The following RP1 variants were observed in gnomAD, a reference collection of about 807,000 sequenced individuals.
RP1 encodes the protein RP1 axonemal microtubule associated.
RP1 carries 16 observed loss-of-function variants against 14.8 expected under a neutral mutation model. The observed-to-expected ratio is 1.08, with a 90% CI of 0.73 to 1.65. The LOEUF (loss-of-function observed/expected upper bound fraction) is 1.65, where lower values mean the gene tolerates loss of function less well. Among genes scored for constraint, RP1 ranks in the 40% most tolerant of loss-of-function variants. The pLI is 0.00. For missense variants in RP1, 2,631 were observed against 2,535.0 expected, an observed-to-expected ratio of 1.04 and a Z score of -0.81; for synonymous variants, 876 against 883.6, an observed-to-expected ratio of 0.99 and a Z score of 0.15.
At chr8:54,605,480 A>T (rs1244806156) in intron 1 of RP1, among the ~76,000 whole-genome samples, 4 of 152,086 alleles carry the variant, frequency 2.6e-5, no homozygotes, top group Non-Finnish European at 5.9e-5. Context: ...GTTTTGGAAT[A>T]GGTGTAGTGT....
intron 6 of RP1, among the ~76,000 whole-genome samples, chr8:54,661,560 T>C (rs552578299): frequency 3.9e-5 from 6 of 152,052 alleles, no homozygotes; most frequent in African/African-American, 1.2e-4. Context: ...CTTCCCTCAA[T>C]AGTTCCTACT....
chr8:54,781,325 G>C (rs960560445), intron 23 of RP1, among the ~76,000 whole-genome samples: 8 of 152,084 alleles, frequency 5.3e-5, no homozygotes, highest in African/African-American at 1.9e-4. Flanking sequence ...AACTCTAATA[G>C]AAGTCATTTT....
Position 54,630,261 on chromosome 8 carries a change from AT to A in RP1, c.6380del (p.Met2127SerfsTer16), listed in dbSNP as rs768634390. ...CAACAGAAATATTTTAGAACTTTGT[AT>A]GTTTGAGGGTGAAAATCTTTTCATT... ...ISNRNILELC[M>X]FEGENLFIWE... On this transcript the variant is annotated frameshift_variant, in exon 4 of 4. Transcript: ENST00000220676. LOFTEE classifies it low-confidence loss of function (END_TRUNC). 6.2e-7 allele frequency: 1 copy of A among 1,613,710 alleles called. No individual in the cohort carries two copies.
chr8:54,770,245 A>AT (rs1427584392), downstream of RP1: 3 of 398,780 alleles, frequency 7.5e-6, no homozygotes, highest in Non-Finnish European at 1.3e-5. Flanking sequence ...AGCCTTACAC[A>AT]TTTTTTATAG....
At chr8:54,602,397 A>T (rs202229653) in intron 1 of RP1, among the ~76,000 whole-genome samples, 10 of 152,136 alleles carry the variant, frequency 6.6e-5, no homozygotes, top group African/African-American at 1.9e-4. Context: ...TAGTATTCCA[A>T]GGTGTATATG....
rs1462583994 is a variant in RP1 at position 54,621,528 on chromosome 8, A to T, written c.562A>T (p.Thr188Ser). The change falls in exon 2 of 4, where the codon ACA becomes TCA. Residue 188 changes from threonine (T) to serine (S), a missense_variant. Thr to Ser is a moderately conservative substitution (Grantham distance 58, BLOSUM62 1). Transcript: ENST00000220676. ...QSFEAFLQHL[T>S]EVMQRPVVKL... ...CTTCGAGGCATTTCTACAGCACCTG[A>T]CAGAGGTCATGCAGCGCCCTGTGGT... The T allele has an allele frequency of 6.2e-7, 1 of 1,614,036 alleles. No individual in the cohort carries two copies. Among genetic ancestry groups the T allele is most frequent in the Non-Finnish European group, 8.5e-7 (1 of 1,180,042 alleles).
At chr8:54,575,096 A>G (rs893792962) in intron 1 of RP1, among the ~76,000 whole-genome samples, 3 of 152,230 alleles carry the variant, frequency 2.0e-5, no homozygotes, top group African/African-American at 4.8e-5. Flanking sequence ...GAGCTGTTCA[A>G]CTATGAACTT....
rs1585622989 is a variant in RP1 at position 54,705,881 on chromosome 8, A to G, written c.1999-562A>G. On this transcript the variant is annotated intron_variant, in intron 14 of 22. Coordinates refer to the RP1 transcript ENST00000636932. ...TTCCTTATGTTTGTTCACCATTTGT[A>G]TTTTATCTTTTGTGATTTGTGTATT... Among the ~76,000 whole-genome samples, 6 of 135,614 alleles carry G rather than the reference A, an allele frequency of 4.4e-5. No homozygotes were observed. In the South Asian group the frequency reaches 1.4e-3, roughly 31 times the overall value. 89.0% of individuals were successfully genotyped at this position (135,614 alleles called of 152,430 possible).
chr8:54,835,303 C>T (rs910741285), intron 24 of RP1, among the ~76,000 whole-genome samples: 7 of 152,174 alleles, frequency 4.6e-5, no homozygotes, highest in African/African-American at 1.7e-4. Context: ...GTCTATAGCA[C>T]TAGCCATGCT....
intron 17 of RP1, among the ~76,000 whole-genome samples, chr8:54,731,630 T>C (rs1363983183): frequency 1.3e-5 from 2 of 152,158 alleles, no homozygotes; most frequent in African/African-American, 4.8e-5. Context: ...AATATGAGTG[T>C]ACCCTGACAA....
chr8:54,837,289 A>AGCATTTCATGGTG (rs1383170978), intron 24 of RP1, among the ~76,000 whole-genome samples: 2 of 152,224 alleles, frequency 1.3e-5, no homozygotes, highest in African/African-American at 2.4e-5. Flanking sequence ...ATGCTTCACC[A>AGCATTTCATGGTG]TATAGAACAG....
chr8:54,838,107 C>A (rs537686042), intron 25 of RP1, among the ~76,000 whole-genome samples: 1 of 152,300 alleles, frequency 6.6e-6, no homozygotes, highest in East Asian at 1.9e-4. Flanking sequence ...TATGTCTGTT[C>A]AGAGGTGACA....
At chr8:54,745,057 A>G (rs1434232188) in intron 19 of RP1, among the ~76,000 whole-genome samples, 1 of 152,240 alleles carries the variant, frequency 6.6e-6, no homozygotes, top group Non-Finnish European at 1.5e-5. Context: ...AAGTATTACT[A>G]GAAGACTTAA....
At position 54,687,882 on chromosome 8, in the gene RP1, G is replaced by A. The variant is rs1010941377; in HGVS notation, c.1717+7949G>A. 4.6e-5 allele frequency among the ~76,000 whole-genome samples: 7 copies of A among 152,068 alleles called. No individual in the cohort carries two copies. In the East Asian group the frequency reaches 5.8e-4, roughly 13 times the overall value. The stretch of plus-strand genomic sequence containing the variant: ...TCTGGTTCTAGATCCTTGAGGAATC[G>A]CCACACTGTCTTCCACAATGGTTGA... On this transcript the variant is annotated intron_variant, in intron 12 of 22. Coordinates refer to the RP1 transcript ENST00000636932.
chr8:54,626,058 C>A lies in RP1; in HGVS notation c.2176C>A (p.Leu726Ile). Residue 726 changes from leucine (L) to isoleucine (I), a missense_variant, in exon 4 of 4, where the codon CTT becomes ATT. Coordinates refer to ENST00000220676, the MANE Select transcript of RP1 (RefSeq NM_006269.2). ...AGATAGTCCCCTTAAAGGAGGGATACTTTGTGAGGAAGACCTCCAGAAAAG... is the reference window on the plus strand; with the variant it reads ...AGATAGTCCCCTTAAAGGAGGGATAATTTGTGAGGAAGACCTCCAGAAAAG... ...DSDSPLKGGI[L>I]CEEDLQKSDT... 1 of 1,613,798 alleles carries A rather than the reference C, an allele frequency of 6.2e-7. No homozygotes were observed. Among genetic ancestry groups the A allele is most frequent in the African/African-American group, 1.3e-5 (1 of 75,018 alleles).
chr8:54,604,837 T>C (rs1805388021), intron 1 of RP1, among the ~76,000 whole-genome samples: 1 of 152,242 alleles, frequency 6.6e-6, no homozygotes, highest in African/African-American at 2.4e-5. Context: ...TAGGTGTTTA[T>C]AGTATTCTCT....
intron 14 of RP1, among the ~76,000 whole-genome samples, chr8:54,702,977 C>T (rs1808061287): frequency 6.6e-6 from 1 of 152,226 alleles, no homozygotes; most frequent in Non-Finnish European, 1.5e-5. Context: ...CTCCACTTCT[C>T]ATTCTAGCTC....
At chr8:54,717,764 C>A (rs920384891) in intron 15 of RP1, among the ~76,000 whole-genome samples, 2 of 151,956 alleles carry the variant, frequency 1.3e-5, no homozygotes, top group Admixed American at 1.3e-4. Context: ...AAAAAGGAAA[C>A]AAAATGTATA....
rs35643905 is a variant in RP1 at position 54,778,321 on chromosome 8, CTTTTTTTT to C, written c.3452-5214_3452-5207del. Among the ~76,000 whole-genome samples, 865 of 96,772 alleles carry C rather than the reference CTTTTTTTT, an allele frequency of 8.9e-3. 7 individuals carry two copies. The highest frequency in any genetic ancestry group is 0.027 in the African/African-American group (732 of 26,982). 63.5% of individuals were successfully genotyped at this position (96,772 alleles called of 152,430 possible). On this transcript the variant is annotated intron_variant, in intron 23 of 28. Transcript: ENST00000637698. ...GGAATGTTTGTTAATGCTTCTTCTT[CTTTTTTTT>C]TTTTTTTTTTTGTGAGATGGAGTCT... is the stretch of plus-strand genomic sequence containing the variant.
Sources: gnomAD v4.1 joint callset for allele counts (sites outside exome capture counted in the v4.1 genomes callset) on GRCh38, gnomAD v4.1.1 for gene constraint, MANE v1.5 for transcripts, NCBI Gene and HGNC (gene_info 2026-07-23, HGNC 2026-07-21) for gene names.